Variants in CYFIP2 observed in about 807,000 individuals in gnomAD.
The protein encoded by CYFIP2 is cytoplasmic FMR1 interacting protein 2.
A neutral mutation model predicts 158.7 loss-of-function variants in CYFIP2; 29 were observed. The ratio of observed to expected loss-of-function variants is 0.18; its 90% confidence interval spans 0.14 to 0.25. The LOEUF (loss-of-function observed/expected upper bound fraction) is 0.25. Among genes scored for constraint, CYFIP2 ranks in the 10% least tolerant of loss-of-function variants. The pLI is 1.00. For missense variants in CYFIP2, 852 were observed against 1,639.5 expected, an observed-to-expected ratio of 0.52 and a Z score of 8.29; for synonymous variants, 585 against 617.6, an observed-to-expected ratio of 0.95 and a Z score of 0.78.
intron 30 of CYFIP2, among the ~76,000 whole-genome samples, chr5:157,391,191 C>T (rs929963057): frequency 2.0e-5 from 3 of 152,076 alleles, no homozygotes; most frequent in African/African-American, 7.2e-5. Context: ...CAGACAGCAA[C>T]AGTGACAGCA....
Position 157,327,969 on chromosome 5 carries a change from C to T in CYFIP2, c.2080-4C>T, listed in dbSNP as rs765067543. On this transcript the variant is annotated splice_region_variant and splice_polypyrimidine_tract_variant and intron_variant, in intron 18 of 30. Coordinates refer to ENST00000620254, the MANE Select transcript of CYFIP2 (RefSeq NM_001037333.3). Reference sequence around the variant, plus strand: ...AGTGATGTTTCCTGCTTCCTCTCCACCAGGTGAACCTGTGTTTTGATCAGT... The same window carrying T: ...AGTGATGTTTCCTGCTTCCTCTCCATCAGGTGAACCTGTGTTTTGATCAGT... 6.2e-6 allele frequency: 10 copies of T among 1,613,638 alleles called. No individual in the cohort carries two copies. The African/African-American group carries it at 6.7e-5, about 11-fold the overall frequency.
intron 1 of CYFIP2, among the ~76,000 whole-genome samples, chr5:157,276,373 G>A (rs1053767840): frequency 1.3e-5 from 2 of 152,136 alleles, no homozygotes; most frequent in South Asian, 2.1e-4. Flanking sequence ...TTTTCTGTGT[G>A]TATTGAGATG....
At chr5:157,294,894 T>C in intron 4 of CYFIP2, 34 bp downstream of exon 4, 6 of 1,578,886 alleles carry the variant, frequency 3.8e-6, no homozygotes, top group Non-Finnish European at 5.2e-6. Flanking sequence ...CTCTTTCCCC[T>C]CCAGAGGGCA....
chr5:157,351,586 TCA>T (rs1212464985), intron 23 of CYFIP2, among the ~76,000 whole-genome samples: 1 of 152,078 alleles, frequency 6.6e-6, no homozygotes, highest in Non-Finnish European at 1.5e-5. Context: ...AGACTGAAGC[TCA>T]GCGGGGCCGG....
intron 29 of CYFIP2, 49 bp from the exon 30 acceptor site, chr5:157,390,472 C>CCAA: frequency 1.4e-6 from 2 of 1,435,144 alleles, no homozygotes; most frequent in Non-Finnish European, 9.5e-7. Flanking sequence ...CCCTCCCTGC[C>CCAA]CTCCTCCCCC....
chr5:157,271,202 G>C (rs1756061897), intron 1 of CYFIP2, among the ~76,000 whole-genome samples: 1 of 152,182 alleles, frequency 6.6e-6, no homozygotes, highest in African/African-American at 2.4e-5. Context: ...AGGCACAAAG[G>C]AAGAGTATCC....
chr5:157,287,208 A>C (rs1162157964), intron 3 of CYFIP2, 100 bp downstream of exon 3: 1 of 871,990 alleles, frequency 1.1e-6, no homozygotes, highest in African/African-American at 1.7e-5. Flanking sequence ...AGCTACTCTA[A>C]GAACCCCCTG....
In CYFIP2 at chr5:157,314,380, G is replaced by C; in HGVS notation, c.1147G>C (p.Asp383His). The stretch of plus-strand genomic sequence containing the variant: ...CTCAGGGCTGGACAGCCAGAAGTCA[G>C]ACGAGGAGTATCGCGAGCTCTTCGA... Reference protein sequence around the residue: ...TGSGLDSQKSDEEYRELFDLA... With the variant: ...TGSGLDSQKSHEEYRELFDLA... Residue 383 changes from aspartate (D) to histidine (H), a missense_variant, in exon 12 of 31, where the codon GAC becomes CAC. Transcript: ENST00000620254. 1 of 1,613,966 alleles carries C rather than the reference G, an allele frequency of 6.2e-7. No individual in the cohort carries two copies. Among genetic ancestry groups the C allele is most frequent in the Non-Finnish European group, 8.5e-7 (1 of 1,179,886 alleles).
chr5:157,304,472 T>G lies in CYFIP2; in HGVS notation c.795+106T>G. On this transcript the variant is annotated intron_variant, in intron 8 of 30. Transcript: ENST00000620254. ...ACAATGTTTCTTTTTTCTTAAACATTGATACAGATCTTACGGCACATAATG... is the reference window on the plus strand; with the variant it reads ...ACAATGTTTCTTTTTTCTTAAACATGGATACAGATCTTACGGCACATAATG... 5 of 1,325,520 alleles carry G rather than the reference T, an allele frequency of 3.8e-6. No individual in the cohort carries two copies. The South Asian group carries it at 7.1e-5, about 19-fold the overall frequency. 82.1% of individuals were successfully genotyped at this position (1,325,520 alleles called of 1,614,324 possible).
chr5:157,347,315 A>AAT, intron 23 of CYFIP2, among the ~76,000 whole-genome samples: 1 of 151,576 alleles, frequency 6.6e-6, no homozygotes, highest in East Asian at 1.9e-4. Context: ...GAAAAAAAAA[A>AAT]AAAAAAGAGC....
chr5:157,345,185 C>A (rs528505393), intron 23 of CYFIP2, among the ~76,000 whole-genome samples: 1 of 152,162 alleles, frequency 6.6e-6, no homozygotes, highest in Non-Finnish European at 1.5e-5. Flanking sequence ...CTTTCGACCA[C>A]GATGAAAAGA....
intron 22 of CYFIP2, among the ~76,000 whole-genome samples, chr5:157,340,038 G>C (rs1230998882): frequency 2.6e-5 from 4 of 152,236 alleles, no homozygotes; most frequent in Admixed American, 2.6e-4. Flanking sequence ...AAGCATGCCT[G>C]CAAAACAGCA....
intron 13 of CYFIP2, among the ~76,000 whole-genome samples, chr5:157,316,992 A>C (rs1037866480): frequency 6.6e-6 from 1 of 152,194 alleles, no homozygotes. Context: ...TGCAGTCATC[A>C]CCAGAGGACA....
chr5:157,302,696 G>A (rs1758876880), intron 6 of CYFIP2, 98 bp from the exon 7 acceptor site: 14 of 818,194 alleles, frequency 1.7e-5, no homozygotes, highest in Non-Finnish European at 2.7e-5. Flanking sequence ...CCAGGATGAT[G>A]TCACTCTGTG....
intron 18 of CYFIP2, among the ~76,000 whole-genome samples, chr5:157,326,910 C>T (rs549457511): frequency 6.6e-6 from 1 of 152,286 alleles, no homozygotes; most frequent in East Asian, 1.9e-4. Flanking sequence ...GATCTGAAAG[C>T]TTTTTGAATC....
At position 157,360,299 on chromosome 5, in the gene CYFIP2, C is replaced by G; in HGVS notation, c.2835C>G (p.Leu945=). 1 of 1,613,770 alleles carries G rather than the reference C, an allele frequency of 6.2e-7. No homozygotes were observed. The highest frequency in any genetic ancestry group is 8.5e-7 in the Non-Finnish European group (1 of 1,179,734). ...TTTGTCAGCTCCAAGGAACCATTCT[C>G]CAGTATGTGAAAACACTGATAGAGG... ...IVKSLLQGTI[L]QYVKTLIEVM... Residue 945 remains leucine (L), a synonymous_variant, in exon 25 of 31, where the codon CTC becomes CTG. Transcript: ENST00000620254.
At chr5:157,293,655 T>G (rs1192342891) in intron 3 of CYFIP2, among the ~76,000 whole-genome samples, 1 of 152,112 alleles carries the variant, frequency 6.6e-6, no homozygotes, top group African/African-American at 2.4e-5. Context: ...GCACTGAAAT[T>G]TTTTTTTCAA....
rs111750479 is a variant in CYFIP2 at position 157,287,584 on chromosome 5, C to T, written c.207+476C>T. ...TTATTTTCTCTCTTAGAGTCTGATT[C>T]ATCTGTGGAGGGCTCCTCCCCTTCT... is the stretch of plus-strand genomic sequence containing the variant. On this transcript the variant is annotated intron_variant, in intron 3 of 30. Coordinates refer to ENST00000620254, the MANE Select transcript of CYFIP2 (RefSeq NM_001037333.3). Among the ~76,000 whole-genome samples, 742 of 152,290 alleles carry T rather than the reference C, an allele frequency of 4.9e-3. 1 individual carries two copies. Among genetic ancestry groups the T allele is most frequent in the Non-Finnish European group, 8.0e-3 (541 of 68,006 alleles).
chr5:157,307,957 G>T, intron 9 of CYFIP2, 92 bp downstream of exon 9: 5 of 731,794 alleles, frequency 6.8e-6, no homozygotes, highest in Non-Finnish European at 7.0e-6. Context: ...CCAGAAAACT[G>T]TCAGGTTTTT....
Sources: gnomAD v4.1 joint callset for allele counts (sites outside exome capture counted in the v4.1 genomes callset) on GRCh38, gnomAD v4.1.1 for gene constraint, MANE v1.5 for transcripts, NCBI Gene and HGNC (gene_info 2026-07-23, HGNC 2026-07-21) for gene names.